Variants in UCKL1 observed in about 807,000 individuals in gnomAD.
The protein encoded by UCKL1 is uridine-cytidine kinase 1 like 1, also known as uridine-cytidine kinase-like 1.
A neutral mutation model predicts 59.2 loss-of-function variants in UCKL1; 65 were observed. That is an observed-to-expected ratio of 1.10 (90% CI 0.90 to 1.35). The LOEUF (loss-of-function observed/expected upper bound fraction) is 1.35. Among genes scored for constraint, UCKL1 ranks in the 40% most tolerant of loss-of-function variants. UCKL1 has a pLI of 0.00. For synonymous variants in UCKL1, 410 were observed against 323.1 expected (o/e 1.27, Z -2.88); for missense variants, 703 against 784.3 (o/e 0.90, Z 1.24).
intron 8 of UCKL1, chr20:63,941,427 C>T (rs1257962522): frequency 3.0e-6 from 2 of 662,838 alleles, no homozygotes; most frequent in Non-Finnish European, 5.2e-6. Context: ...AACAACGGGG[C>T]AAGCTCACCA....
intron 8 of UCKL1, 170 bp from the exon 9 acceptor site, chr20:63,941,378 C>T (rs2054349100): frequency 9.7e-7 from 1 of 1,029,312 alleles, no homozygotes; most frequent in East Asian, 2.7e-5. Flanking sequence ...GAGACGTCGC[C>T]CTACCTGAGC....
chr20:63,943,302 A>T (rs2055174367), intron 8 of UCKL1, among the ~76,000 whole-genome samples: 1 of 152,192 alleles, frequency 6.6e-6, no homozygotes, highest in Admixed American at 6.5e-5. Context: ...CTGCTGGGAC[A>T]TGTCTGTAGT....
chr20:63,948,909 C>A (rs1304681857), intron 1 of UCKL1, among the ~76,000 whole-genome samples: 2 of 152,078 alleles, frequency 1.3e-5, no homozygotes, highest in Admixed American at 6.5e-5. Context: ...CACCTGGGCA[C>A]TCCTCCCCGT....
At position 63,940,066 on chromosome 20, in the gene UCKL1, G is replaced by GC. The variant is rs1569006702; in HGVS notation, c.1568-12_1568-11insG. The GC allele has an allele frequency of 1.6e-5, 5 of 316,176 alleles. No homozygotes were observed. The Admixed American group carries it at 4.1e-4, about 26-fold the overall frequency. 19.6% of individuals were successfully genotyped at this position (316,176 alleles called of 1,614,324 possible). ...GGTCGCCAAAGTTCCCTGGAAAAAG[G>GC]GGGGGGGGGGTCCAGTGTGGTGGGG... is the stretch of plus-strand genomic sequence containing the variant. On this transcript the variant is annotated splice_polypyrimidine_tract_variant and intron_variant, in intron 14 of 14. Coordinates refer to ENST00000354216, the MANE Select transcript of UCKL1 (RefSeq NM_017859.4).
rs867789892 is a variant in UCKL1, at chr20:63,941,167, C to T, written c.965G>A (p.Arg322Gln). Residue 322 changes from arginine (R) to glutamine (Q), a missense_variant, in exon 9 of 15, where the codon CGG (arginine) becomes CAG (glutamine). Transcript: ENST00000354216. ...CGTGCTCTTCAGGACGCTCAGCGTC[C>T]GGGGCAGCGGGTGGCACTGGTGTGC... is the stretch of plus-strand genomic sequence containing the variant. ...ASAHQCHPLP[R>Q]TLSVLKSTPQ... is the part of the protein sequence containing the mutation. The T allele has an allele frequency of 6.4e-7, 1 of 1,574,392 alleles. No homozygotes were observed. Among genetic ancestry groups the T allele is most frequent in the Non-Finnish European group, 8.6e-7 (1 of 1,166,186 alleles).
chr20:63,956,360 G>T lies in UCKL1; in HGVS notation c.13C>A (p.Pro5Thr). The T allele has an allele frequency of 1.3e-6, 2 of 1,530,324 alleles. No homozygotes were observed. The highest frequency in any genetic ancestry group is 1.8e-6 in the Non-Finnish European group (2 of 1,141,304). 94.8% of individuals were successfully genotyped at this position (1,530,324 alleles called of 1,614,324 possible). A position where few individuals can be genotyped will look rare whatever the true frequency, so the allele number is the denominator to read the frequency against. ...GAAGGATCAGCGTCCGCGCGGGCCG[G>T]GGGCGCAGCCATGGCGCTCGGAGGC... Reference protein sequence around the residue: MAAPPARADADPSPT... With the variant: MAAPTARADADPSPT... Residue 5 changes from proline to threonine, a missense_variant, in exon 1 of 15, where the codon CCG becomes ACG. Physicochemically the swap from Pro to Thr is conservative, Grantham distance 38. Around this residue, in one of 4 missense-constraint regions of UCKL1, gnomAD observed 398 missense variants for 373.0 expected, o/e 1.07. Transcript: ENST00000354216.
intron 1 of UCKL1, among the ~76,000 whole-genome samples, chr20:63,949,283 CG>C: frequency 6.6e-6 from 1 of 152,152 alleles, no homozygotes; most frequent in Non-Finnish European, 1.5e-5. Flanking sequence ...GACGACCAGG[CG>C]AGGGCGGCCC....
rs763810924 is a variant in UCKL1 at position 63,945,787 on chromosome 20, T to A, written c.582+18A>T. On this transcript the variant is annotated intron_variant, in intron 4 of 14. Coordinates refer to ENST00000354216, the MANE Select transcript of UCKL1 (RefSeq NM_017859.4). ...GCCTGCAGCCCCCCGAGGCCCCCTC[T>A]GCAGGGCCCTGGCCTACCCAGTCCT... is the stretch of plus-strand genomic sequence containing the variant. The A allele has an allele frequency of 5.0e-6, 8 of 1,613,190 alleles. No individual in the cohort carries two copies. In the African/African-American group the frequency reaches 1.1e-4, roughly 22 times the overall value.
At chr20:63,943,742 C>A in intron 7 of UCKL1, 73 bp from the exon 8 acceptor site, 1 of 1,606,640 alleles carries the variant, frequency 6.2e-7, no homozygotes. Context: ...CCAGGCCACC[C>A]CCACCCAGGA....
intron 3 of UCKL1, 89 bp from the exon 4 acceptor site, chr20:63,946,064 G>T (rs939077209): frequency 5.6e-6 from 9 of 1,608,566 alleles, no homozygotes; most frequent in African/African-American, 1.3e-5. Context: ...CCCAGGAGCA[G>T]CCACGCTGGG....
chr20:63,949,849 C>T (rs1324119573), intron 1 of UCKL1, among the ~76,000 whole-genome samples: 1 of 152,210 alleles, frequency 6.6e-6, no homozygotes, highest in East Asian at 1.9e-4. Context: ...CCCTGGATTC[C>T]GAGGGTGAGC....
chr20:63,951,073 C>G, intron 1 of UCKL1: 1 of 1,203,134 alleles, frequency 8.3e-7, no homozygotes, highest in Non-Finnish European at 1.0e-6. Flanking sequence ...AGCTGCCTGC[C>G]AAATGTCAGC....
Position 63,947,228 on chromosome 20 carries a change from C to T in UCKL1, c.114-585G>A, listed in dbSNP as rs117986959. On this transcript the variant is annotated intron_variant, in intron 1 of 14. Coordinates refer to ENST00000354216, the MANE Select transcript of UCKL1 (RefSeq NM_017859.4). ...ACAAGGACAAGGGAAGGAGGAGAGG[C>T]GCTATCTTGGGGCCATGCTCATCCT... 2.4e-3 allele frequency among the ~76,000 whole-genome samples: 366 copies of T among 152,330 alleles called. 1 individual carries two copies. The highest frequency in any genetic ancestry group is 0.023 in the East Asian group (118 of 5,182).
chr20:63,944,118 C>T (rs1013102087), intron 7 of UCKL1, among the ~76,000 whole-genome samples: 1 of 152,216 alleles, frequency 6.6e-6, no homozygotes, highest in South Asian at 2.1e-4. Flanking sequence ...AAAGCTCAGG[C>T]TGGGTGTGCT....
At position 63,946,552 on chromosome 20, in the gene UCKL1, GCT is replaced by G; in HGVS notation, c.203_204del (p.Glu68AlafsTer22). 1 of 1,610,896 alleles carries G rather than the reference GCT, an allele frequency of 6.2e-7. No homozygotes were observed. The highest frequency in any genetic ancestry group is 8.5e-7 in the Non-Finnish European group (1 of 1,179,148). On this transcript the variant is annotated frameshift_variant, in exon 2 of 15. Coordinates refer to ENST00000354216, the MANE Select transcript of UCKL1 (RefSeq NM_017859.4). LOFTEE classifies it high-confidence loss of function. Reference sequence around the variant, plus strand: ...CGCTTGCTTGTACGCAGCAGGGGAGGCTCTGACTTGCACTGGCTGGTGGTCCG... The same window carrying G: ...CGCTTGCTTGTACGCAGCAGGGGAGGCTGACTTGCACTGGCTGGTGGTCCG... Reference protein sequence around the residue: ...RKRTTSQCKSEPPLLRTSKRT... With the variant: ...RKRTTSQCKSXPPLLRTSKRT...
At chr20:63,947,269 A>ACTGGCTGGGCCAGGCT (rs1319187988) in intron 1 of UCKL1, among the ~76,000 whole-genome samples, 1 of 152,196 alleles carries the variant, frequency 6.6e-6, no homozygotes, top group African/African-American at 2.4e-5. Flanking sequence ...GTGGACAGGC[A>ACTGGCTGGGCCAGGCT]CTGGCTGGGC....
rs573825503 is a variant in UCKL1 at position 63,952,856 on chromosome 20, A to G, written c.113+3404T>C. 2.0e-5 allele frequency among the ~76,000 whole-genome samples: 3 copies of G among 152,358 alleles called. No individual in the cohort carries two copies. The South Asian group carries it at 6.2e-4, about 32-fold the overall frequency. Reference sequence around the variant, plus strand: ...ACAGCTTGCCTCAGTTTCCTCCTCAAGGACTAACAGCAGGTTCATTACAGG... The same window carrying G: ...ACAGCTTGCCTCAGTTTCCTCCTCAGGGACTAACAGCAGGTTCATTACAGG... On this transcript the variant is annotated intron_variant, in intron 1 of 14. Transcript: ENST00000354216.
chr20:63,945,554 G>A, intron 5 of UCKL1, 97 bp downstream of exon 5: 1 of 1,271,122 alleles, frequency 7.9e-7, no homozygotes, highest in Non-Finnish European at 1.1e-6. Flanking sequence ...TATACAGTGT[G>A]GAGGCCTTGG....
chr20:63,949,065 C>T (rs1039874167), intron 1 of UCKL1, among the ~76,000 whole-genome samples: 2 of 152,174 alleles, frequency 1.3e-5, no homozygotes, highest in African/African-American at 4.8e-5. Context: ...AGAGACCCGC[C>T]GTCTGCACCT....
Sources: gnomAD v4.1 joint callset for allele counts (sites outside exome capture counted in the v4.1 genomes callset) on GRCh38, gnomAD v4.1.1 for gene constraint, gnomAD v4.1.1 regional missense constraint, MANE v1.5 for transcripts, NCBI Gene and HGNC (gene_info 2026-07-23, HGNC 2026-07-21) for gene names.